KCNU1: variants seen among roughly 807,000 people sequenced by gnomAD.
The protein encoded by KCNU1 is potassium channel subfamily U member 1.
KCNU1 carries 93 observed loss-of-function variants against 126.8 expected under a neutral mutation model. The observed-to-expected ratio is 0.73, with a 90% confidence interval of 0.62 to 0.87. KCNU1 has a LOEUF of 0.87. KCNU1 is among the 40% of genes least tolerant of loss of function. The probability of loss-of-function intolerance (pLI) is 0.00; values close to 1 mark genes in which losing one functional copy is unlikely to be tolerated. For missense variants in KCNU1, 1,330 were observed against 1,367.1 expected, an observed-to-expected ratio of 0.97 and a Z score of 0.43; for synonymous variants, 523 against 494.2, an observed-to-expected ratio of 1.06 and a Z score of -0.77.
intron 19 of KCNU1, among the ~76,000 whole-genome samples, chr8:36,901,906 C>A (rs529292547): frequency 1.4e-4 from 21 of 152,240 alleles, no homozygotes; most frequent in African/African-American, 4.8e-4. Flanking sequence ...GAATGGTACC[C>A]CGTGGCTACC....
intron 10 of KCNU1, among the ~76,000 whole-genome samples, chr8:36,830,813 T>C (rs1038352700): frequency 6.6e-6 from 1 of 151,776 alleles, no homozygotes; most frequent in Non-Finnish European, 1.5e-5. Flanking sequence ...AATGTGCAGG[T>C]TAGTTGCATA....
At chr8:36,912,709 C>T (rs564534562) in intron 22 of KCNU1, among the ~76,000 whole-genome samples, 6 of 151,960 alleles carry the variant, frequency 3.9e-5, no homozygotes, top group Non-Finnish European at 5.9e-5. Context: ...CGGTGGCTCA[C>T]GCCTGTAATC....
At chr8:36,906,873 G>A (rs189627219) in intron 20 of KCNU1, among the ~76,000 whole-genome samples, 15 of 152,250 alleles carry the variant, frequency 9.9e-5, no homozygotes, top group Non-Finnish European at 4.4e-5. Context: ...TGAACTGTAC[G>A]AAATAAACAT....
intron 2 of KCNU1, among the ~76,000 whole-genome samples, chr8:36,789,616 C>T (rs1026586152): frequency 9.2e-5 from 14 of 151,952 alleles, no homozygotes; most frequent in African/African-American, 3.1e-4. Flanking sequence ...GGGGTAGATA[C>T]GAAAATTACA....
intron 18 of KCNU1, among the ~76,000 whole-genome samples, chr8:36,858,201 T>G (rs947687504): frequency 8.3e-6 from 1 of 121,078 alleles, no homozygotes; most frequent in Non-Finnish European, 1.7e-5. Flanking sequence ...AAAAAAAAAC[T>G]GTTCGTATGT....
intron 1 of KCNU1, among the ~76,000 whole-genome samples, chr8:36,786,027 G>A (rs963799707): frequency 2.0e-5 from 3 of 151,638 alleles, no homozygotes; most frequent in African/African-American, 7.3e-5. Flanking sequence ...TGATCAAGTT[G>A]AGTTACTTTT....
chr8:36,897,970 A>T lies in KCNU1; in HGVS notation c.2010-7738A>T, dbSNP rs143372378. Among the ~76,000 whole-genome samples the T allele has an allele frequency of 1.6e-4, 24 of 152,194 alleles. No individual in the cohort carries two copies. The East Asian group carries it at 4.6e-3, about 29-fold the overall frequency. Reference sequence around the variant, plus strand: ...TGCTTCTTGATAGGTCGCTGGTACTAAGTAAAATGTTGTAACACTCAGGAT... The same window carrying T: ...TGCTTCTTGATAGGTCGCTGGTACTTAGTAAAATGTTGTAACACTCAGGAT... On this transcript the variant is annotated intron_variant, in intron 19 of 26. Transcript: ENST00000399881.
intron 18 of KCNU1, among the ~76,000 whole-genome samples, chr8:36,857,062 G>A (rs1002944244): frequency 3.3e-5 from 5 of 152,158 alleles, no homozygotes; most frequent in Non-Finnish European, 5.9e-5. Context: ...CATTGCTCCC[G>A]AGCTTGCAGG....
chr8:36,908,073 C>A lies in KCNU1; in HGVS notation c.2107-1238C>A, dbSNP rs564256569. Among the ~76,000 whole-genome samples the A allele has an allele frequency of 2.5e-3, 374 of 152,086 alleles. 1 individual carries two copies. The highest frequency in any genetic ancestry group is 8.7e-3 in the African/African-American group (363 of 41,518). ...TATAGCTAACAATAGTACCAGAATACAAAATCATGTCTTCTGACTCCGAGT... is the reference window on the plus strand; with the variant it reads ...TATAGCTAACAATAGTACCAGAATAAAAAATCATGTCTTCTGACTCCGAGT... On this transcript the variant is annotated intron_variant, in intron 20 of 26. Coordinates refer to ENST00000399881, the MANE Select transcript of KCNU1 (RefSeq NM_001031836.3).
At chr8:36,844,418 C>T (rs939048056) in intron 16 of KCNU1, among the ~76,000 whole-genome samples, 1 of 151,824 alleles carries the variant, frequency 6.6e-6, no homozygotes, top group Non-Finnish European at 1.5e-5. Context: ...TAAGACACAA[C>T]TAAGCATGCA....
chr8:36,854,665 A>G (rs369070351), intron 18 of KCNU1, among the ~76,000 whole-genome samples: 88 of 152,198 alleles, frequency 5.8e-4, no homozygotes, highest in African/African-American at 2.1e-3. Flanking sequence ...AAAGCTCTTC[A>G]AATATATTTA....
chr8:36,792,706 C>T (rs924425778), intron 2 of KCNU1, among the ~76,000 whole-genome samples: 1 of 152,034 alleles, frequency 6.6e-6, no homozygotes, highest in Non-Finnish European at 1.5e-5. Flanking sequence ...ATGAAAAATG[C>T]TGTCTATAGA....
At chr8:36,873,113 A>C (rs890795261) in intron 19 of KCNU1, among the ~76,000 whole-genome samples, 65 of 151,918 alleles carry the variant, frequency 4.3e-4, no homozygotes, top group Non-Finnish European at 1.5e-4. Flanking sequence ...CAAACAAAAA[A>C]CCCCAACAAT....
At chr8:36,786,123 A>G (rs542982998) in intron 1 of KCNU1, among the ~76,000 whole-genome samples, 1 of 152,274 alleles carries the variant, frequency 6.6e-6, no homozygotes, top group East Asian at 1.9e-4. Context: ...AAAAAAAAAA[A>G]AAAATCAGAA....
At chr8:36,881,133 G>A (rs1294743572) in intron 19 of KCNU1, among the ~76,000 whole-genome samples, 3 of 152,310 alleles carry the variant, frequency 2.0e-5, no homozygotes, top group Admixed American at 6.5e-5. Flanking sequence ...TGACAAGACC[G>A]GGCAGCCACT....
At chr8:36,870,624 C>G (rs1269859365) in intron 19 of KCNU1, among the ~76,000 whole-genome samples, 1 of 152,138 alleles carries the variant, frequency 6.6e-6, no homozygotes, top group Non-Finnish European at 1.5e-5. Context: ...TCTGAGCTTT[C>G]TACAGAAACT....
intron 19 of KCNU1, among the ~76,000 whole-genome samples, chr8:36,900,113 C>T (rs1301568223): frequency 6.6e-5 from 10 of 152,044 alleles, no homozygotes; most frequent in Admixed American, 2.0e-4. Flanking sequence ...AAATTTTACC[C>T]GGTAAAGGAG....
chr8:36,858,748 AAGG>A (rs1276447040), intron 18 of KCNU1, among the ~76,000 whole-genome samples: 2 of 152,170 alleles, frequency 1.3e-5, no homozygotes, highest in Non-Finnish European at 2.9e-5. Context: ...TCTGTATAAA[AAGG>A]AGGATTCTGC....
Position 36,834,977 on chromosome 8 carries a change from T to G in KCNU1, c.1295+109T>G, listed in dbSNP as rs1023928332. 3 of 707,408 alleles carry G rather than the reference T, an allele frequency of 4.2e-6. No individual in the cohort carries two copies. In the African/African-American group the frequency reaches 5.4e-5, roughly 13 times the overall value. The allele number at this position is 707,408 out of a possible 1,614,324, so 43.8% of individuals were successfully genotyped here. A position where few individuals can be genotyped will look rare whatever the true frequency, so the allele number is the denominator to read the frequency against. On this transcript the variant is annotated intron_variant, in intron 12 of 26. Coordinates refer to ENST00000399881, the MANE Select transcript of KCNU1 (RefSeq NM_001031836.3). ...GAGAAAATGTCGTCTATCATATCAC[T>G]AGGTTCATCATATTCCAAGGTTCTG...
Sources: gnomAD v4.1 joint callset for allele counts (sites outside exome capture counted in the v4.1 genomes callset) on GRCh38, gnomAD v4.1.1 for gene constraint, MANE v1.5 for transcripts, NCBI Gene and HGNC (gene_info 2026-07-23, HGNC 2026-07-21) for gene names.